PLA2G15: variants seen among roughly 807,000 people sequenced by gnomAD.
PLA2G15 encodes lysosomal phospholipase A and acyltransferase.
A neutral mutation model predicts 40.9 loss-of-function variants in PLA2G15; 20 were observed. The observed-to-expected ratio is 0.49, with a 90% confidence interval of 0.34 to 0.71. The LOEUF is 0.71. PLA2G15 is among the 30% of genes least tolerant of loss of function. PLA2G15 has a pLI of 0.01. For missense variants in PLA2G15, 471 were observed against 541.9 expected, an observed-to-expected ratio of 0.87 and a Z score of 1.30; for synonymous variants, 223 against 228.2, an observed-to-expected ratio of 0.98 and a Z score of 0.21.
Position 68,255,068 on chromosome 16 carries a change from G to A in PLA2G15, c.403+31G>A, listed in dbSNP as rs2042389552. 7.0e-7 allele frequency: 1 copy of A among 1,427,666 alleles called. No homozygotes were observed. Among genetic ancestry groups the A allele is most frequent in the East Asian group, 2.3e-5 (1 of 43,982 alleles). The allele number at this position is 1,427,666 out of a possible 1,614,324, so 88.4% of individuals were successfully genotyped here. A position where few individuals can be genotyped will look rare whatever the true frequency, so the allele number is the denominator to read the frequency against. ...TAGCCCTTACTCAAGGCCTCCGGGA[G>A]CTGGGATGGGGTTTCTGCCGGACTG... On this transcript the variant is annotated intron_variant, in intron 3 of 5. Coordinates refer to ENST00000219345, the MANE Select transcript of PLA2G15 (RefSeq NM_012320.4). The surrounding 1 kb of genome is among the most constrained non-coding windows in gnomAD (Gnocchi z 5.9).
In PLA2G15 at chr16:68,260,353, C is replaced by T. The variant is rs1415192833; in HGVS notation, c.*696C>T. Reference sequence around the variant, plus strand: ...TCTGGATTGGGCAGCAGATGTGCCCCCAGTCCCGCAGGCTGTGTTCCAGGG... The same window carrying T: ...TCTGGATTGGGCAGCAGATGTGCCCTCAGTCCCGCAGGCTGTGTTCCAGGG... On this transcript the variant is annotated 3_prime_UTR_variant, in exon 6 of 6. Transcript: ENST00000219345. 6.5e-6 allele frequency: 1 copy of T among 152,988 alleles called. No homozygotes were observed. The highest frequency in any genetic ancestry group is 1.9e-4 in the East Asian group (1 of 5,196). 9.5% of individuals were successfully genotyped at this position (152,988 alleles called of 1,614,324 possible).
Position 68,249,464 on chromosome 16 carries a change from CAG to C in PLA2G15, c.284+21_284+22del, listed in dbSNP as rs1280416243. The C allele has an allele frequency of 1.1e-5, 17 of 1,612,446 alleles. No individual in the cohort carries two copies. The highest frequency in any genetic ancestry group is 1.4e-5 in the Non-Finnish European group (16 of 1,178,604). ...AATATCAGGTGGGGGCTGGGGCACA[CAG>C]AGGGGGGTGCTGCTCACCAACAGTG... is the stretch of plus-strand genomic sequence containing the variant. On this transcript the variant is annotated intron_variant, in intron 2 of 5. Coordinates refer to ENST00000219345, the MANE Select transcript of PLA2G15 (RefSeq NM_012320.4).
intron 5 of PLA2G15, among the ~76,000 whole-genome samples, chr16:68,256,675 TAA>T (rs1445042181): frequency 6.6e-6 from 1 of 151,902 alleles, no homozygotes; most frequent in Non-Finnish European, 1.5e-5. Flanking sequence ...CATGCCTGGC[TAA>T]GTTTTGTGTT....
At chr16:68,253,691 G>GGTT (rs1326425108) in intron 2 of PLA2G15, among the ~76,000 whole-genome samples, 4 of 124,932 alleles carry the variant, frequency 3.2e-5, no homozygotes, top group African/African-American at 1.2e-4. Flanking sequence ...GTTTTGTTTT[G>GGTT]TTTTTTTTTT....
intron 2 of PLA2G15, among the ~76,000 whole-genome samples, chr16:68,251,559 G>A (rs926588430): frequency 2.6e-5 from 4 of 152,072 alleles, no homozygotes; most frequent in African/African-American, 9.7e-5. Context: ...GCTCACGCCT[G>A]TAATCCCAGC....
chr16:68,251,191 T>C lies in PLA2G15; in HGVS notation c.284+1745T>C, dbSNP rs371208832. Among the ~76,000 whole-genome samples the C allele has an allele frequency of 3.3e-5, 5 of 152,198 alleles. No homozygotes were observed. In the East Asian group the frequency reaches 9.7e-4, roughly 29 times the overall value. On this transcript the variant is annotated intron_variant, in intron 2 of 5. Transcript: ENST00000219345. ...CTGGAGGCTCAATGAGGTTACAAAATTGACTGTGCTCACTCAGCTAATAAG... is the reference window on the plus strand; with the variant it reads ...CTGGAGGCTCAATGAGGTTACAAAACTGACTGTGCTCACTCAGCTAATAAG...
chr16:68,253,383 TTTG>T, intron 2 of PLA2G15: 1 of 433,388 alleles, frequency 2.3e-6, no homozygotes, highest in Non-Finnish European at 4.6e-6. Context: ...TGTTTGTTTG[TTTG>T]TTTTTTTGAG....
In PLA2G15 at chr16:68,254,822, A is replaced by G. The variant is rs1019328638; in HGVS notation, c.285-97A>G. On this transcript the variant is annotated intron_variant, in intron 2 of 5. Transcript: ENST00000219345. ...CCTATCCATCTGACCAAACCTGGGC[A>G]TGAGAAGGGAGTATGACTCAGGACA... 1.1e-4 allele frequency: 81 copies of G among 762,356 alleles called. 2 individuals are homozygous for G. In the Middle Eastern group the frequency reaches 1.1e-3, roughly 10 times the overall value. The allele number at this position is 762,356 out of a possible 1,614,324, so 47.2% of individuals were successfully genotyped here.
chr16:68,251,075 G>A (rs1001447951), intron 2 of PLA2G15, among the ~76,000 whole-genome samples: 4 of 150,634 alleles, frequency 2.7e-5, no homozygotes, highest in Admixed American at 6.6e-5. Flanking sequence ...CAGCAACCCC[G>A]TTTTGAAATA....
In PLA2G15 at chr16:68,259,440, CCTT is replaced by C. The variant is rs749899569; in HGVS notation, c.1025_1027del (p.Phe342del). 9.9e-6 allele frequency: 16 copies of C among 1,613,802 alleles called. No individual in the cohort carries two copies. Among genetic ancestry groups the C allele is most frequent in the South Asian group, 2.2e-5 (2 of 91,086 alleles). ...GGTACTGGCGTCCCCACACCAGACT[CCTT>C]CTACTATGAGAGCTTCCCTGACCGT... On this transcript the variant is annotated inframe_deletion, in exon 6 of 6. Coordinates refer to ENST00000219345, the MANE Select transcript of PLA2G15 (RefSeq NM_012320.4). This position sits in a 1 kb window ranked among gnomAD's most constrained non-coding sequence, Gnocchi z 6.5.
chr16:68,249,453 G>C lies in PLA2G15; in HGVS notation c.284+7G>C. 6.2e-7 allele frequency: 1 copy of C among 1,613,762 alleles called. No individual in the cohort carries two copies. The highest frequency in any genetic ancestry group is 8.5e-7 in the Non-Finnish European group (1 of 1,179,750). ...GCTGGATTGACAATATCAGGTGGGG[G>C]CTGGGGCACACAGAGGGGGGTGCTG... On this transcript the variant is annotated splice_region_variant and intron_variant, in intron 2 of 5. Coordinates refer to ENST00000219345, the MANE Select transcript of PLA2G15 (RefSeq NM_012320.4).
chr16:68,259,296 G>A lies in PLA2G15; in HGVS notation c.878G>A (p.Arg293Gln), dbSNP rs772105311. The A allele has an allele frequency of 1.1e-5, 18 of 1,613,930 alleles. No homozygotes were observed. Among genetic ancestry groups the A allele is most frequent in the East Asian group, 4.5e-5 (2 of 44,894 alleles). ...ACACCCACAATCAACTACACACTGCGGGACTACCGCAAGTTCTTCCAGGAC... is the reference window on the plus strand; with the variant it reads ...ACACCCACAATCAACTACACACTGCAGGACTACCGCAAGTTCTTCCAGGAC... ...VQTPTINYTL[R>Q]DYRKFFQDIG... The change falls in exon 6 of 6, where the codon CGG becomes CAG. Residue 293 changes from arginine to glutamine, a missense_variant. Arg to Gln is a conservative substitution (Grantham distance 43). Transcript: ENST00000219345. This position sits in a 1 kb window ranked among gnomAD's most constrained non-coding sequence, Gnocchi z 6.5.
chr16:68,255,042 G>A lies in PLA2G15; in HGVS notation c.403+5G>A. 6.3e-7 allele frequency: 1 copy of A among 1,590,974 alleles called. No homozygotes were observed. The highest frequency in any genetic ancestry group is 1.7e-5 in the Admixed American group (1 of 59,954). ...ACCCCAGCAAAAGCAGCGTGGGTAT[G>A]TAGCCCTTACTCAAGGCCTCCGGGA... On this transcript the variant is annotated splice_donor_5th_base_variant and intron_variant, in intron 3 of 5. Coordinates refer to ENST00000219345, the MANE Select transcript of PLA2G15 (RefSeq NM_012320.4). This position sits in a 1 kb window ranked among gnomAD's most constrained non-coding sequence, Gnocchi z 5.9.
At chr16:68,258,840 G>C (rs1309538948) in intron 5 of PLA2G15, 5 of 357,298 alleles carry the variant, frequency 1.4e-5, no homozygotes, top group Non-Finnish European at 2.0e-5. Context: ...CATACCTGTA[G>C]TCCCAGCTAC....
At chr16:68,251,072 C>T (rs1748455887) in intron 2 of PLA2G15, among the ~76,000 whole-genome samples, 1 of 152,152 alleles carries the variant, frequency 6.6e-6, no homozygotes, top group Non-Finnish European at 1.5e-5. Flanking sequence ...TTACAGCAAC[C>T]CCGTTTTGAA....
chr16:68,259,707 C>G lies in PLA2G15; in HGVS notation c.*50C>G. 6.4e-7 allele frequency: 1 copy of G among 1,570,560 alleles called. No homozygotes were observed. Among genetic ancestry groups the G allele is most frequent in the Non-Finnish European group, 8.7e-7 (1 of 1,155,968 alleles). ...GCTCGGCCGTGGACCTGCTGTTGGC[C>G]TCTGGGGCTGTCATGGCCCACGCGT... On this transcript the variant is annotated 3_prime_UTR_variant, in exon 6 of 6. Transcript: ENST00000219345. This position sits in a 1 kb window ranked among gnomAD's most constrained non-coding sequence, Gnocchi z 6.5.
intron 2 of PLA2G15, chr16:68,253,576 T>C: frequency 3.0e-6 from 1 of 333,710 alleles, no homozygotes; most frequent in Non-Finnish European, 6.0e-6. Context: ...GGTTTCACCC[T>C]GTTGGCCAGG....
At chr16:68,248,789 G>T (rs1398181423) in intron 1 of PLA2G15, 26 of 864,886 alleles carry the variant, frequency 3.0e-5, no homozygotes, top group African/African-American at 3.6e-5. Flanking sequence ...CTCCCATCGG[G>T]GTCCATTAAC....
At chr16:68,250,425 A>G (rs2042346438) in intron 2 of PLA2G15, 1 of 220,082 alleles carries the variant, frequency 4.5e-6, no homozygotes, top group Non-Finnish European at 9.3e-6. Context: ...CGCCCGCCAC[A>G]GTGCCCGGCT....
Sources: allele counts gnomAD v4.1 joint callset (sites outside exome capture counted in the v4.1 genomes callset), GRCh38; gene constraint gnomAD v4.1.1; non-coding constraint Gnocchi (gnomAD v3.1); transcripts MANE v1.5; gene names NCBI Gene and HGNC (gene_info 2026-07-23, HGNC 2026-07-21).